PCCB: variants seen among roughly 807,000 people sequenced by gnomAD.
PCCB encodes propionyl-CoA carboxylase subunit beta.
A neutral mutation model predicts 60.7 loss-of-function variants in PCCB; 43 were observed. The ratio of observed to expected loss-of-function variants is 0.71; its 90% CI spans 0.55 to 0.91. The LOEUF (loss-of-function observed/expected upper bound fraction) is 0.91, where lower values mean the gene tolerates loss of function less well. PCCB is among the 40% of genes least tolerant of loss of function. The pLI is 0.00. For missense variants in PCCB, 766 were observed against 702.8 expected, an observed-to-expected ratio of 1.09 and a Z score of -1.02; for synonymous variants, 276 against 255.9, an observed-to-expected ratio of 1.08 and a Z score of -0.75.
At chr3:136,270,655 G>A (rs918787560) in intron 5 of PCCB, among the ~76,000 whole-genome samples, 1 of 152,072 alleles carries the variant, frequency 6.6e-6, no homozygotes, top group African/African-American at 2.4e-5. Flanking sequence ...ACAGGCACAC[G>A]CCACTACACC....
At chr3:136,328,535 T>C (rs549723878) in intron 13 of PCCB, among the ~76,000 whole-genome samples, 8 of 152,318 alleles carry the variant, frequency 5.3e-5, no homozygotes, top group East Asian at 1.9e-4. Context: ...CTGCCCCTTA[T>C]TGGGGCCACA....
At chr3:136,298,657 A>G (rs1934044898) in intron 8 of PCCB, among the ~76,000 whole-genome samples, 1 of 152,178 alleles carries the variant, frequency 6.6e-6, no homozygotes, top group Admixed American at 6.5e-5. Context: ...CCATCTGGTG[A>G]AGACCTTTCC....
chr3:136,274,317 T>C (rs1250161682), intron 5 of PCCB, among the ~76,000 whole-genome samples: 2 of 152,120 alleles, frequency 1.3e-5, no homozygotes, highest in East Asian at 3.8e-4. Context: ...GCTGGTTTGG[T>C]AGTGGCAGAT....
rs1942075538 is a variant in PCCB, at chr3:136,268,101, T to TATATATATGTATAG, written c.543+6044_543+6045insGTATAGATATATAT. Among the ~76,000 whole-genome samples the TATATATATGTATAG allele has an allele frequency of 4.1e-5, 5 of 122,252 alleles. No individual in the cohort carries two copies. In the South Asian group the frequency reaches 9.7e-4, roughly 24 times the overall value. The allele number at this position is 122,252 out of a possible 152,430, so 80.2% of individuals were successfully genotyped here. A position where few individuals can be genotyped will look rare whatever the true frequency, so the allele number is the denominator to read the frequency against. On this transcript the variant is annotated intron_variant, in intron 5 of 14. Transcript: ENST00000251654. Reference sequence around the variant, plus strand: ...GTGTGTGTGTAGATATATATATATATATATATATATATATATATATGTATA... The same window carrying TATATATATGTATAG: ...GTGTGTGTGTAGATATATATATATATATATATATGTATAGATATATATATATATATATATGTATA...
intron 6 of PCCB, among the ~76,000 whole-genome samples, chr3:136,288,899 GT>G (rs1933546379): frequency 6.6e-6 from 1 of 152,020 alleles, no homozygotes; most frequent in African/African-American, 2.4e-5. Context: ...ACCTCCTGGG[GT>G]CAAGCAATCC....
intron 5 of PCCB, among the ~76,000 whole-genome samples, chr3:136,273,782 G>C (rs1327132694): frequency 6.7e-6 from 1 of 149,506 alleles, no homozygotes; most frequent in East Asian, 2.0e-4. Flanking sequence ...CGTGGTGGCG[G>C]GTGCCTGTAG....
At chr3:136,264,448 G>GTATGTATATATATATA (rs1553775221) in intron 5 of PCCB, among the ~76,000 whole-genome samples, 3 of 107,224 alleles carry the variant, frequency 2.8e-5, no homozygotes, top group Admixed American at 8.7e-5. Flanking sequence ...GTGTATATAT[G>GTATGTATATATATATA]TATATATATA....
chr3:136,312,310 G>A (rs987339040), intron 9 of PCCB, among the ~76,000 whole-genome samples: 1 of 152,174 alleles, frequency 6.6e-6, no homozygotes, highest in African/African-American at 2.4e-5. Context: ...CTGCAAACCT[G>A]TATAGCACGT....
intron 7 of PCCB, among the ~76,000 whole-genome samples, chr3:136,296,153 G>A (rs905963189): frequency 6.6e-6 from 1 of 152,160 alleles, no homozygotes; most frequent in Non-Finnish European, 1.5e-5. Context: ...GTACAATTCA[G>A]TGGTTTTTAA....
intron 5 of PCCB, among the ~76,000 whole-genome samples, chr3:136,271,274 G>T (rs1477620889): frequency 6.6e-6 from 1 of 152,094 alleles, no homozygotes; most frequent in Non-Finnish European, 1.5e-5. Flanking sequence ...TTGGAAGTCT[G>T]GTAATGTGAT....
chr3:136,326,069 C>T (rs990567326), intron 10 of PCCB, among the ~76,000 whole-genome samples: 4 of 152,196 alleles, frequency 2.6e-5, no homozygotes, highest in African/African-American at 9.7e-5. Context: ...GCCTCGGCCT[C>T]CCAAAGTGCT....
At chr3:136,260,672 A>C in intron 4 of PCCB, 137 bp downstream of exon 4, 1 of 740,826 alleles carries the variant, frequency 1.3e-6, no homozygotes, top group Non-Finnish European at 2.4e-6. Context: ...ACCAACCCGA[A>C]GGGGTGCATA....
intron 5 of PCCB, among the ~76,000 whole-genome samples, chr3:136,264,894 A>AAC (rs1433941177): frequency 6.7e-6 from 1 of 148,916 alleles, no homozygotes; most frequent in Non-Finnish European, 1.5e-5. Context: ...AAAAAAAAAA[A>AAC]AGAGCTTAAT....
At position 136,327,636 on chromosome 3, in the gene PCCB, C is replaced by T. The variant is rs755024380; in HGVS notation, c.1302C>T (p.Ala434=). 2 of 1,611,256 alleles carry T rather than the reference C, an allele frequency of 1.2e-6. No individual in the cohort carries two copies. Among genetic ancestry groups the T allele is most frequent in the Non-Finnish European group, 1.7e-6 (2 of 1,177,566 alleles). Residue 434 remains alanine, a splice_region_variant and synonymous_variant, in exon 13 of 15, where the codon GCC becomes GCT. Transcript: ENST00000251654. ...CTCAGCATTTGGATCTGTTTTAGGC[C>T]TATGGAGGTGCCTATGATGTCATGA... ...VPKVTVITRK[A]YGGAYDVMSS...
At chr3:136,285,863 C>T (rs1205185449) in intron 6 of PCCB, among the ~76,000 whole-genome samples, 2 of 152,220 alleles carry the variant, frequency 1.3e-5, no homozygotes, top group African/African-American at 4.8e-5. Context: ...TTGTCCTCAG[C>T]ACCATTCTTA....
At chr3:136,251,490 C>T (rs1311321397) in intron 1 of PCCB, among the ~76,000 whole-genome samples, 1 of 152,154 alleles carries the variant, frequency 6.6e-6, no homozygotes, top group Non-Finnish European at 1.5e-5. Flanking sequence ...GAGATTTGAA[C>T]AGCTCTATAT....
chr3:136,256,928 CTG>C (rs1941686177), intron 3 of PCCB, among the ~76,000 whole-genome samples: 1 of 152,142 alleles, frequency 6.6e-6, no homozygotes, highest in Non-Finnish European at 1.5e-5. Context: ...TGTAGGGCAT[CTG>C]TGTCCTGGGC....
rs201530725 is a variant in PCCB, at chr3:136,278,921, T to TC, written c.544-4912dup. Among the ~76,000 whole-genome samples, 20 of 152,308 alleles carry TC rather than the reference T, an allele frequency of 1.3e-4. 1 individual carries two copies. In the South Asian group the frequency reaches 3.3e-3, roughly 25 times the overall value. On this transcript the variant is annotated intron_variant, in intron 5 of 14. Transcript: ENST00000251654. ...GCAACTATTATTGTGCACCTATTTC[T>TC]CCCCACAATTCTGTTAACTTTTGCT...
intron 3 of PCCB, chr3:136,259,043 G>C (rs1262441578): frequency 1.4e-6 from 1 of 725,398 alleles, no homozygotes; most frequent in Non-Finnish European, 1.9e-6. Flanking sequence ...ATTCCTAACT[G>C]TCTTTTTGAG....
Sources: allele counts gnomAD v4.1 joint callset (sites outside exome capture counted in the v4.1 genomes callset), GRCh38; gene constraint gnomAD v4.1.1; transcripts MANE v1.5; gene names NCBI Gene and HGNC (gene_info 2026-07-23, HGNC 2026-07-21).